The following MAD1L1 variants were observed in gnomAD, a reference collection of about 807,000 sequenced individuals.
MAD1L1 encodes mitotic arrest deficient 1 like 1, also known as mitotic spindle assembly checkpoint protein MAD1.
A neutral mutation model predicts 96.9 loss-of-function variants in MAD1L1; 95 were observed. That is an observed-to-expected ratio of 0.98 (90% confidence interval 0.83 to 1.16). The LOEUF (loss-of-function observed/expected upper bound fraction) is 1.16, where lower values mean the gene tolerates loss of function less well. MAD1L1 is among the 50% of genes most tolerant of loss of function. The pLI is 0.00. For missense variants in MAD1L1, 1,007 were observed against 954.4 expected (o/e 1.06, Z -0.73); for synonymous variants, 473 against 396.6 (o/e 1.19, Z -2.29).
intron 15 of MAD1L1, among the ~76,000 whole-genome samples, chr7:1,975,209 A>T: frequency 6.6e-6 from 1 of 152,204 alleles, no homozygotes; most frequent in East Asian, 1.9e-4. Context: ...AAGGCTCCCC[A>T]GGTCCTGCCC....
At chr7:1,894,623 T>C (rs1430877330) in intron 18 of MAD1L1, among the ~76,000 whole-genome samples, 1 of 152,058 alleles carries the variant, frequency 6.6e-6, no homozygotes, top group Non-Finnish European at 1.5e-5. Flanking sequence ...GAACATGCTC[T>C]AAAGGCCCAT....
chr7:2,158,031 C>G (rs1789923800), intron 10 of MAD1L1, among the ~76,000 whole-genome samples: 1 of 152,248 alleles, frequency 6.6e-6, no homozygotes, highest in Non-Finnish European at 1.5e-5. Context: ...GATGACACGG[C>G]AGTGACAGTT....
intron 11 of MAD1L1, among the ~76,000 whole-genome samples, chr7:2,147,841 G>A (rs574539831): frequency 3.9e-5 from 6 of 152,350 alleles, no homozygotes; most frequent in African/African-American, 9.6e-5. Flanking sequence ...GTTCCCTTCC[G>A]TGTGGCCCTG....
intron 14 of MAD1L1, among the ~76,000 whole-genome samples, chr7:1,985,878 C>T (rs1395772737): frequency 6.6e-6 from 1 of 152,148 alleles, no homozygotes; most frequent in Non-Finnish European, 1.5e-5. Context: ...GGAGCGTGTG[C>T]GTTCCGCCCA....
intron 18 of MAD1L1, among the ~76,000 whole-genome samples, chr7:1,822,785 A>G (rs1782199612): frequency 6.6e-6 from 1 of 151,204 alleles, no homozygotes. Context: ...GTATATAGAA[A>G]GCAATTCCAA....
chr7:2,184,562 C>T (rs73289712), intron 10 of MAD1L1, among the ~76,000 whole-genome samples: 2,512 of 152,258 alleles, frequency 0.016, 75 homozygotes, highest in African/African-American at 0.058. Context: ...TGGGTGCTCA[C>T]TCGAGAGAAT....
At chr7:2,122,526 C>A (rs924229776) in intron 11 of MAD1L1, among the ~76,000 whole-genome samples, 3 of 151,854 alleles carry the variant, frequency 2.0e-5, no homozygotes, top group African/African-American at 4.8e-5. Context: ...CACTTGAACC[C>A]GGGAGGCGGA....
intron 17 of MAD1L1, among the ~76,000 whole-genome samples, chr7:1,934,516 A>C (rs1393163038): frequency 2.0e-5 from 3 of 151,734 alleles, no homozygotes; most frequent in African/African-American, 7.3e-5. Flanking sequence ...ACAACAAGGA[A>C]AGGAACAGAC....
intron 17 of MAD1L1, among the ~76,000 whole-genome samples, chr7:1,911,747 G>T (rs1358272357): frequency 6.6e-6 from 1 of 152,078 alleles, no homozygotes; most frequent in East Asian, 1.9e-4. Context: ...TCCAGATGAG[G>T]CCCCTCTTGG....
chr7:1,890,792 G>C (rs1489689622), intron 18 of MAD1L1, among the ~76,000 whole-genome samples: 1 of 152,232 alleles, frequency 6.6e-6, no homozygotes. Flanking sequence ...TCCTTGGGGA[G>C]CTGAGGCCAG....
Position 2,168,312 on chromosome 7 carries a change from A to G in MAD1L1, c.987-19074T>C, listed in dbSNP as rs77132640. On this transcript the variant is annotated intron_variant, in intron 10 of 18. Transcript: ENST00000265854. Reference sequence around the variant, plus strand: ...AAGAAAAAAAAAGAACAGTGAATTGAAAATCAAGTAAATCTGGCTTCTAGA... The same window carrying G: ...AAGAAAAAAAAAGAACAGTGAATTGGAAATCAAGTAAATCTGGCTTCTAGA... Among the ~76,000 whole-genome samples the G allele has an allele frequency of 8.8e-3, 1,345 of 152,330 alleles. 17 individuals are homozygous for G. Among genetic ancestry groups the G allele is most frequent in the African/African-American group, 0.031 (1,284 of 41,578 alleles).
intron 11 of MAD1L1, among the ~76,000 whole-genome samples, chr7:2,128,343 T>C (rs3800918): frequency 0.75 from 113,375 of 152,056 alleles, 42,580 homozygotes; most frequent in South Asian, 0.82. Flanking sequence ...GTCCCCGAAA[T>C]GCAGCCCTGG....
chr7:2,192,059 CTTAAAA>C (rs1390427311), intron 10 of MAD1L1, among the ~76,000 whole-genome samples: 1 of 151,690 alleles, frequency 6.6e-6, no homozygotes, highest in African/African-American at 2.4e-5. Flanking sequence ...TAAAATAAAA[CTTAAAA>C]TTAAAAACTA....
At chr7:2,127,521 C>T (rs569247918) in intron 11 of MAD1L1, among the ~76,000 whole-genome samples, 1 of 152,144 alleles carries the variant, frequency 6.6e-6, no homozygotes, top group East Asian at 1.9e-4. Flanking sequence ...CCACACCGAC[C>T]GGTAGGAAAG....
intron 3 of MAD1L1, among the ~76,000 whole-genome samples, chr7:2,225,832 C>T (rs1584599337): frequency 6.6e-6 from 1 of 152,246 alleles, no homozygotes; most frequent in African/African-American, 2.4e-5. Flanking sequence ...TACCAGCCAA[C>T]GGCTCCGTGG....
intron 12 of MAD1L1, among the ~76,000 whole-genome samples, chr7:2,060,832 A>G (rs1784631539): frequency 6.6e-6 from 1 of 152,270 alleles, no homozygotes; most frequent in Admixed American, 6.5e-5. Flanking sequence ...GAGTATCTTC[A>G]CAACTTTGGC....
At chr7:2,035,207 G>C (rs73047046) in intron 12 of MAD1L1, among the ~76,000 whole-genome samples, 3,658 of 149,272 alleles carry the variant, frequency 0.025, 182 homozygotes, top group Admixed American at 0.07. Flanking sequence ...CACAGCCCAA[G>C]GACACGCTGA....
intron 14 of MAD1L1, among the ~76,000 whole-genome samples, chr7:1,983,349 C>T (rs969383535): frequency 1.3e-5 from 2 of 152,190 alleles, no homozygotes; most frequent in East Asian, 3.8e-4. Context: ...CCTGATGCAT[C>T]TTCTGTTTCT....
chr7:2,188,757 T>C (rs1386917867), intron 10 of MAD1L1, among the ~76,000 whole-genome samples: 1 of 152,098 alleles, frequency 6.6e-6, no homozygotes, highest in African/African-American at 2.4e-5. Flanking sequence ...AGAAGGTTTA[T>C]GACATGGGAT....
Sources: allele counts gnomAD v4.1 joint callset (sites outside exome capture counted in the v4.1 genomes callset), GRCh38; gene constraint gnomAD v4.1.1; transcripts MANE v1.5; gene names NCBI Gene and HGNC (gene_info 2026-07-23, HGNC 2026-07-21).